NCK1: variants seen among roughly 807,000 people sequenced by gnomAD.
The protein encoded by NCK1 is SH2/SH3 adapter protein NCK1.
Under a neutral mutation model 36.6 loss-of-function variants are expected in NCK1, and 19 were observed. That is an observed-to-expected ratio of 0.52 (90% CI 0.36 to 0.76). NCK1 has a LOEUF of 0.76. Among genes scored for constraint, NCK1 ranks in the 30% least tolerant of loss-of-function variants. The probability of loss-of-function intolerance (pLI) is 0.00; values close to 1 mark genes in which losing one functional copy is unlikely to be tolerated. For synonymous variants in NCK1, 165 were observed against 156.0 expected (o/e 1.06, Z -0.43); for missense variants, 358 against 445.6 (o/e 0.80, Z 1.77).
intron 2 of NCK1, chr3:136,928,444 G>A (rs557895104): frequency 3.7e-6 from 2 of 542,990 alleles, no homozygotes; most frequent in Non-Finnish European, 6.5e-6. Context: ...CCAAGTCAAG[G>A]CAGAGTGATA....
chr3:136,937,562 T>C (rs1243550298), intron 2 of NCK1, among the ~76,000 whole-genome samples: 1 of 152,232 alleles, frequency 6.6e-6, no homozygotes, highest in Non-Finnish European at 1.5e-5. Flanking sequence ...TTTTGGATAC[T>C]GTTGCCATCT....
At chr3:136,889,001 C>T (rs2108086014) in intron 1 of NCK1, 1 of 150,266 alleles carries the variant, frequency 6.7e-6, no homozygotes, top group South Asian at 2.1e-4. Context: ...TCCTGAGTAG[C>T]TGGGACTGCA....
intron 1 of NCK1, among the ~76,000 whole-genome samples, chr3:136,862,616 C>T (rs959367727): frequency 6.6e-5 from 10 of 152,228 alleles, no homozygotes; most frequent in African/African-American, 1.9e-4. Flanking sequence ...GCCCCTGGAG[C>T]GCTGTGTCGG....
At chr3:136,877,549 CTAAA>C (rs1416623523) in intron 1 of NCK1, among the ~76,000 whole-genome samples, 2 of 152,136 alleles carry the variant, frequency 1.3e-5, no homozygotes, top group Non-Finnish European at 1.5e-5. Flanking sequence ...GAAAGGACTT[CTAAA>C]TAAAGATGGC....
intron 1 of NCK1, chr3:136,899,601 G>A (rs998175236): frequency 2.5e-5 from 16 of 638,578 alleles, no homozygotes; most frequent in South Asian, 4.5e-5. Context: ...CTGTTGTACC[G>A]CAGCTTTAGA....
chr3:136,870,843 G>A (rs922769234), intron 1 of NCK1, among the ~76,000 whole-genome samples: 10 of 152,044 alleles, frequency 6.6e-5, no homozygotes, highest in African/African-American at 2.4e-4. Context: ...CTTCCTCAGG[G>A]CAGATGGCTC....
At chr3:136,915,258 A>G (rs1208758777) in intron 1 of NCK1, among the ~76,000 whole-genome samples, 1 of 152,210 alleles carries the variant, frequency 6.6e-6, no homozygotes, top group African/African-American at 2.4e-5. Flanking sequence ...TTTGAGTCCT[A>G]TTGAGAAGAT....
intron 1 of NCK1, among the ~76,000 whole-genome samples, chr3:136,903,098 A>C (rs957121830): frequency 6.6e-6 from 1 of 152,178 alleles, no homozygotes; most frequent in African/African-American, 2.4e-5. Context: ...TTACAGATCT[A>C]ATAATACTTG....
At chr3:136,876,955 CA>C (rs1418292360) in intron 1 of NCK1, among the ~76,000 whole-genome samples, 3 of 152,178 alleles carry the variant, frequency 2.0e-5, no homozygotes, top group African/African-American at 7.2e-5. Flanking sequence ...TTCCAATTTA[CA>C]CCTTTACCAC....
At chr3:136,920,021 C>T (rs1360992561) in intron 1 of NCK1, among the ~76,000 whole-genome samples, 1 of 152,044 alleles carries the variant, frequency 6.6e-6, no homozygotes, top group African/African-American at 2.4e-5. Context: ...GAGAAAGTCC[C>T]CAATTAACTA....
chr3:136,896,465 A>G (rs560961977), intron 1 of NCK1, among the ~76,000 whole-genome samples: 2 of 152,258 alleles, frequency 1.3e-5, no homozygotes, highest in South Asian at 2.1e-4. Context: ...AAATGACATG[A>G]TTTCATTATT....
At chr3:136,921,550 A>C (rs1272032750) in intron 1 of NCK1, among the ~76,000 whole-genome samples, 2 of 152,188 alleles carry the variant, frequency 1.3e-5, no homozygotes. Flanking sequence ...TATTCTATGC[A>C]TGTCCAATTT....
intron 1 of NCK1, among the ~76,000 whole-genome samples, chr3:136,878,441 A>G (rs1938835507): frequency 6.6e-6 from 1 of 152,164 alleles, no homozygotes; most frequent in South Asian, 2.1e-4. Flanking sequence ...TAAGTATACT[A>G]AAGACCACAT....
At chr3:136,891,425 A>T (rs1939241378) in intron 1 of NCK1, among the ~76,000 whole-genome samples, 1 of 152,198 alleles carries the variant, frequency 6.6e-6, no homozygotes, top group South Asian at 2.1e-4. Flanking sequence ...ATGAGCCACC[A>T]CGCCTGGCCT....
In NCK1 at chr3:136,948,299, A is replaced by AAG. The variant is rs1445287783; in HGVS notation, c.980_981insAG (p.Asn327LysfsTer9). ...GTATCACTAAAAGCACAAGGGAAAA[A>AAG]CAAGCATTTTAAAGTCCAACTAAAA... On this transcript the variant is annotated frameshift_variant, in exon 4 of 4. Coordinates refer to ENST00000481752, the MANE Select transcript of NCK1 (RefSeq NM_001291999.2). LOFTEE classifies it high-confidence loss of function. The AAG allele has an allele frequency of 6.2e-7, 1 of 1,607,670 alleles. No individual in the cohort carries two copies. The highest frequency in any genetic ancestry group is 1.3e-5 in the African/African-American group (1 of 74,572).
chr3:136,877,411 A>G (rs1233516841), intron 1 of NCK1, among the ~76,000 whole-genome samples: 2 of 152,232 alleles, frequency 1.3e-5, no homozygotes, highest in African/African-American at 4.8e-5. Context: ...AAGAAATAAC[A>G]TTAAACTATT....
At chr3:136,920,069 A>G (rs1179780117) in intron 1 of NCK1, among the ~76,000 whole-genome samples, 1 of 152,170 alleles carries the variant, frequency 6.6e-6, no homozygotes, top group African/African-American at 2.4e-5. Flanking sequence ...AAGACAAGGC[A>G]ATTCATAAGA....
At chr3:136,905,107 G>A (rs924541186) in intron 1 of NCK1, among the ~76,000 whole-genome samples, 2 of 151,078 alleles carry the variant, frequency 1.3e-5, no homozygotes, top group Non-Finnish European at 1.5e-5. Context: ...TCACCTCCCA[G>A]GTTCAAGTGA....
chr3:136,943,136 A>G (rs961285597), intron 2 of NCK1, among the ~76,000 whole-genome samples: 2 of 152,012 alleles, frequency 1.3e-5, no homozygotes, highest in Non-Finnish European at 2.9e-5. Flanking sequence ...CCTAGATTTT[A>G]TAAGTTTTTT....
Sources: gnomAD v4.1 joint callset for allele counts (sites outside exome capture counted in the v4.1 genomes callset) on GRCh38, gnomAD v4.1.1 for gene constraint, MANE v1.5 for transcripts, NCBI Gene and HGNC (gene_info 2026-07-23, HGNC 2026-07-21) for gene names.